The following MEGF9 variants were observed in gnomAD, a reference collection of about 807,000 sequenced individuals.
The protein encoded by MEGF9 is multiple EGF like domains 9.
In MEGF9, 6 loss-of-function variants were observed where a neutral mutation model predicts 46.8. The ratio of observed to expected loss-of-function variants is 0.13; its 90% CI spans 0.07 to 0.25. The LOEUF is 0.25. MEGF9 is among the 10% of genes least tolerant of loss of function. The probability of loss-of-function intolerance (pLI) is 1.00; values close to 1 mark genes in which losing one functional copy is unlikely to be tolerated. For missense variants in MEGF9, 683 were observed against 792.4 expected (o/e 0.86, Z 1.66); for synonymous variants, 302 against 330.7 (o/e 0.91, Z 0.94).
At chr9:120,609,754 A>G (rs181372625) in intron 4 of MEGF9, among the ~76,000 whole-genome samples, 5 of 152,286 alleles carry the variant, frequency 3.3e-5, no homozygotes, top group African/African-American at 1.2e-4. Flanking sequence ...ATTTACTATT[A>G]TAATTACACT....
rs531907479 is a variant in MEGF9 at position 120,632,713 on chromosome 9, A to T, written c.804-9958T>A. 3.3e-5 allele frequency among the ~76,000 whole-genome samples: 5 copies of T among 152,264 alleles called. No individual in the cohort carries two copies. In the South Asian group the frequency reaches 6.2e-4, roughly 19 times the overall value. ...GGCATTCACCTTTTCCCCACTCTGT[A>T]TGATGCTGGCTGTTGGTTTGTCATA... On this transcript the variant is annotated intron_variant, in intron 2 of 5. Transcript: ENST00000373930.
At chr9:120,708,275 G>C (rs1393368257) in intron 1 of MEGF9, among the ~76,000 whole-genome samples, 3 of 152,156 alleles carry the variant, frequency 2.0e-5, no homozygotes, top group African/African-American at 7.2e-5. Flanking sequence ...TGAGGCAGGA[G>C]AATCACTTGA....
rs117516714 is a variant in MEGF9, at chr9:120,642,097, T to C, written c.803+17277A>G. Among the ~76,000 whole-genome samples the C allele has an allele frequency of 1.1e-4, 17 of 152,350 alleles. No individual in the cohort carries two copies. In the East Asian group the frequency reaches 2.3e-3, roughly 21 times the overall value. On this transcript the variant is annotated intron_variant, in intron 2 of 5. Coordinates refer to ENST00000373930, the MANE Select transcript of MEGF9 (RefSeq NM_001080497.3). Reference sequence around the variant, plus strand: ...TTAACTTAAACCCAAGCAAGTCAGATGTTCTGACACCCAAACCACAGACCT... The same window carrying C: ...TTAACTTAAACCCAAGCAAGTCAGACGTTCTGACACCCAAACCACAGACCT...
chr9:120,681,173 C>T (rs1364073739), intron 1 of MEGF9, among the ~76,000 whole-genome samples: 2 of 152,102 alleles, frequency 1.3e-5, no homozygotes, highest in South Asian at 2.1e-4. Flanking sequence ...TCAGAGCCCA[C>T]GGCCCCACAG....
At chr9:120,619,078 G>A (rs1479139599) in intron 3 of MEGF9, among the ~76,000 whole-genome samples, 1 of 152,046 alleles carries the variant, frequency 6.6e-6, no homozygotes, top group Non-Finnish European at 1.5e-5. Flanking sequence ...AGGCACAGTG[G>A]CTCACATCTG....
At chr9:120,699,555 A>AG (rs1325151447) in intron 1 of MEGF9, among the ~76,000 whole-genome samples, 4 of 151,102 alleles carry the variant, frequency 2.6e-5, no homozygotes, top group African/African-American at 9.8e-5. Flanking sequence ...GCATGTCTAC[A>AG]ATTTTTTTTT....
chr9:120,660,512 T>C (rs1273203242), intron 1 of MEGF9, among the ~76,000 whole-genome samples: 2 of 152,216 alleles, frequency 1.3e-5, no homozygotes, highest in Admixed American at 6.5e-5. Context: ...TACTAGGTCT[T>C]ATTCATTCTT....
Position 120,694,743 on chromosome 9 carries a change from C to G in MEGF9, c.601+19015G>C, listed in dbSNP as rs552905550. Reference sequence around the variant, plus strand: ...TTCAGGCAATTTTTGTGGCTAGTGACTATCATGGTAGGTCTAGGAAAAAAT... The same window carrying G: ...TTCAGGCAATTTTTGTGGCTAGTGAGTATCATGGTAGGTCTAGGAAAAAAT... On this transcript the variant is annotated intron_variant, in intron 1 of 5. Transcript: ENST00000373930. Among the ~76,000 whole-genome samples the G allele has an allele frequency of 2.6e-5, 4 of 152,202 alleles. No individual in the cohort carries two copies. In the South Asian group the frequency reaches 8.3e-4, roughly 32 times the overall value.
At chr9:120,673,051 T>C (rs1048073715) in intron 1 of MEGF9, among the ~76,000 whole-genome samples, 1 of 152,132 alleles carries the variant, frequency 6.6e-6, no homozygotes, top group Admixed American at 6.6e-5. Context: ...GGTTGCAAGA[T>C]ACAAAATTAA....
At chr9:120,681,528 T>C (rs2043798702) in intron 1 of MEGF9, among the ~76,000 whole-genome samples, 1 of 152,104 alleles carries the variant, frequency 6.6e-6, no homozygotes, top group Non-Finnish European at 1.5e-5. Context: ...AGTTTACTTA[T>C]ATGTGCATTT....
At chr9:120,629,132 C>T (rs2043539842) in intron 2 of MEGF9, among the ~76,000 whole-genome samples, 1 of 152,102 alleles carries the variant, frequency 6.6e-6, no homozygotes, top group African/African-American at 2.4e-5. Context: ...TGCCACCATG[C>T]CTGGATAACT....
intron 1 of MEGF9, among the ~76,000 whole-genome samples, chr9:120,705,161 T>C (rs1489794876): frequency 1.3e-5 from 2 of 152,122 alleles, no homozygotes; most frequent in Non-Finnish European, 2.9e-5. Flanking sequence ...TTCTGAATAT[T>C]GTATAAAGGA....
intron 2 of MEGF9, among the ~76,000 whole-genome samples, chr9:120,648,122 C>T (rs74706605): frequency 0.024 from 3,600 of 152,200 alleles, 153 homozygotes; most frequent in African/African-American, 0.083. Flanking sequence ...CCTGAGCCCA[C>T]TCTTTCTAAC....
At chr9:120,666,862 G>A (rs975736913) in intron 1 of MEGF9, among the ~76,000 whole-genome samples, 6 of 152,138 alleles carry the variant, frequency 3.9e-5, no homozygotes, top group African/African-American at 1.2e-4. Context: ...AATCTTAAAT[G>A]CATTATGCTA....
chr9:120,641,068 A>G (rs2043600867), intron 2 of MEGF9, among the ~76,000 whole-genome samples: 1 of 152,176 alleles, frequency 6.6e-6, no homozygotes, highest in East Asian at 1.9e-4. Flanking sequence ...ATAGTATTCC[A>G]TGGTGTATAT....
In MEGF9 at chr9:120,677,851, G is replaced by A. The variant is rs142238663; in HGVS notation, c.602-18276C>T. Among the ~76,000 whole-genome samples the A allele has an allele frequency of 4.6e-5, 7 of 152,222 alleles. No individual in the cohort carries two copies. In the East Asian group the frequency reaches 1.4e-3, roughly 29 times the overall value. On this transcript the variant is annotated intron_variant, in intron 1 of 5. Coordinates refer to ENST00000373930, the MANE Select transcript of MEGF9 (RefSeq NM_001080497.3). ...AAACTAATTTTGCCACTTAGTAAGA[G>A]TTAATTGTTCATGTTTCGAGAGTAT... is the stretch of plus-strand genomic sequence containing the variant.
chr9:120,616,851 T>C (rs1419888100), intron 3 of MEGF9, among the ~76,000 whole-genome samples: 1 of 152,216 alleles, frequency 6.6e-6, no homozygotes, highest in Non-Finnish European at 1.5e-5. Context: ...TAATATAATG[T>C]GAGCATTTCA....
At chr9:120,681,404 T>C (rs1007836969) in intron 1 of MEGF9, among the ~76,000 whole-genome samples, 5 of 152,174 alleles carry the variant, frequency 3.3e-5, no homozygotes, top group African/African-American at 1.2e-4. Context: ...GTATCCAAGA[T>C]GCAAGACAAA....
rs184951233 is a variant in MEGF9 at position 120,603,270 on chromosome 9, T to C, written c.*1920A>G. ...ATTACTTCCTCAGGGGGCTATGGTG[T>C]GGAAGAGAGGACACACATATGGAAA... On this transcript the variant is annotated 3_prime_UTR_variant, in exon 6 of 6. Transcript: ENST00000373930. 1 of 152,290 alleles carries C rather than the reference T, an allele frequency of 6.6e-6. No homozygotes were observed. The highest frequency in any genetic ancestry group is 2.4e-5 in the African/African-American group (1 of 41,534). 9.4% of individuals were successfully genotyped at this position (152,290 alleles called of 1,614,324 possible). A position where few individuals can be genotyped will look rare whatever the true frequency, so the allele number is the denominator to read the frequency against.
Sources: gnomAD v4.1 joint callset for allele counts (sites outside exome capture counted in the v4.1 genomes callset) on GRCh38, gnomAD v4.1.1 for gene constraint, MANE v1.5 for transcripts, NCBI Gene and HGNC (gene_info 2026-07-23, HGNC 2026-07-21) for gene names.